The following PAPPA2 variants were observed in gnomAD, a reference collection of about 807,000 sequenced individuals.
PAPPA2 encodes pappalysin-2.
A neutral mutation model predicts 176.4 loss-of-function variants in PAPPA2; 86 were observed. The ratio of observed to expected loss-of-function variants is 0.49; its 90% CI spans 0.41 to 0.58. The LOEUF (loss-of-function observed/expected upper bound fraction) is 0.58, where lower values mean the gene tolerates loss of function less well. Ranked by LOEUF, PAPPA2 falls within the 20% of genes least tolerant of loss-of-function variation. The probability of loss-of-function intolerance (pLI) is 0.00; values close to 1 mark genes in which losing one functional copy is unlikely to be tolerated. For synonymous variants in PAPPA2, 809 were observed against 852.2 expected, an observed-to-expected ratio of 0.95 and a Z score of 0.88; for missense variants, 2,073 against 2,256.9, an observed-to-expected ratio of 0.92 and a Z score of 1.65.
chr1:176,557,177 G>A lies in PAPPA2; in HGVS notation c.855G>A (p.Glu285=). ...AAGTGCTGGCTGAGATTCCCCGGGA[G>A]GCGTTCACAGTGGAAGCCTGGGTTA... ...RPEVLAEIPR[E]AFTVEAWVKP... The change falls in exon 2 of 23, where the codon GAG becomes GAA. Residue 285 remains glutamate, a synonymous_variant. Coordinates refer to ENST00000367662, the MANE Select transcript of PAPPA2 (RefSeq NM_020318.3). 4 of 1,613,306 alleles carry A rather than the reference G, an allele frequency of 2.5e-6. No individual in the cohort carries two copies. Among genetic ancestry groups the A allele is most frequent in the Non-Finnish European group, 2.5e-6 (3 of 1,179,698 alleles).
chr1:176,824,223 C>G (rs1020020954), intron 21 of PAPPA2, among the ~76,000 whole-genome samples: 2 of 152,182 alleles, frequency 1.3e-5, no homozygotes, highest in African/African-American at 4.8e-5. Flanking sequence ...GACCTGGTTG[C>G]TGCCTGCATA....
intron 1 of PAPPA2, among the ~76,000 whole-genome samples, chr1:176,519,890 ATC>A (rs1420433561): frequency 6.6e-6 from 1 of 152,194 alleles, no homozygotes; most frequent in Non-Finnish European, 1.5e-5. Flanking sequence ...TTTGGTTGTT[ATC>A]AAGTACTCTT....
intron 3 of PAPPA2, among the ~76,000 whole-genome samples, chr1:176,606,853 CAT>C (rs1654644134): frequency 1.3e-5 from 2 of 152,018 alleles, no homozygotes; most frequent in South Asian, 4.2e-4. Flanking sequence ...GATGTGCAAA[CAT>C]GTTAAGGCCA....
chr1:176,740,258 T>G, intron 14 of PAPPA2, 62 bp downstream of exon 14: 1 of 1,479,890 alleles, frequency 6.8e-7, no homozygotes. Flanking sequence ...TTGGCTCACA[T>G]TTACATAGTG....
chr1:176,594,613 C>G lies in PAPPA2; in HGVS notation c.1009C>G (p.Arg337Gly). 1 of 1,614,186 alleles carries G rather than the reference C, an allele frequency of 6.2e-7. No individual in the cohort carries two copies. Among genetic ancestry groups the G allele is most frequent in the Non-Finnish European group, 8.5e-7 (1 of 1,180,038 alleles). Reference protein sequence around the residue: ...SGKDKGKRDARFFFSLCTDRV... With the variant: ...SGKDKGKRDAGFFFSLCTDRV... ...GAAGGACAAGGGAAAGCGGGATGCT[C>G]GCTTCTTCTTCTCCCTCTGCACCGA... Residue 337 changes from arginine (R) to glycine (G), a missense_variant, in exon 3 of 23, where the codon CGC becomes GGC. Arg to Gly is a moderately radical substitution (Grantham distance 125). Around this residue, in one of 4 missense-constraint regions of PAPPA2, gnomAD observed 1,196 missense variants for 1,330.4 expected, o/e 0.90. Transcript: ENST00000367662.
At chr1:176,553,320 A>G (rs577028451) in intron 1 of PAPPA2, among the ~76,000 whole-genome samples, 29 of 148,660 alleles carry the variant, frequency 2.0e-4, no homozygotes, top group African/African-American at 7.2e-4. Context: ...TGTGTTTTTC[A>G]CACATTGGAA....
chr1:176,577,572 T>G lies in PAPPA2; in HGVS notation c.920-16952T>G, dbSNP rs574375987. Among the ~76,000 whole-genome samples, 15 of 152,180 alleles carry G rather than the reference T, an allele frequency of 9.9e-5. No homozygotes were observed. In the South Asian group the frequency reaches 2.5e-3, roughly 25 times the overall value. On this transcript the variant is annotated intron_variant, in intron 2 of 22. Coordinates refer to ENST00000367662, the MANE Select transcript of PAPPA2 (RefSeq NM_020318.3). Reference sequence around the variant, plus strand: ...TTATCTAGAACAGCTGAAAAACACCTCCCCAAGCTTCTTTTTTCACTTTCT... The same window carrying G: ...TTATCTAGAACAGCTGAAAAACACCGCCCCAAGCTTCTTTTTTCACTTTCT...
chr1:176,674,226 G>C (rs1430616691), intron 4 of PAPPA2, among the ~76,000 whole-genome samples: 3 of 152,030 alleles, frequency 2.0e-5, no homozygotes, highest in African/African-American at 7.2e-5. Context: ...AAGTAGTACA[G>C]CTTATACAAA....
At chr1:176,537,233 T>G (rs1421076844) in intron 1 of PAPPA2, 2 of 152,234 alleles carry the variant, frequency 1.3e-5, no homozygotes, top group East Asian at 1.9e-4. Flanking sequence ...GCTCTGAGTA[T>G]ACATGGTATG....
chr1:176,769,863 G>C (rs1029364867), intron 16 of PAPPA2, 79 bp downstream of exon 16: 12 of 1,408,222 alleles, frequency 8.5e-6, no homozygotes, highest in African/African-American at 7.3e-5. Flanking sequence ...GACTCTTTTC[G>C]TTACCCCAAC....
chr1:176,727,137 G>T (rs1661917274), intron 12 of PAPPA2, among the ~76,000 whole-genome samples: 1 of 152,092 alleles, frequency 6.6e-6, no homozygotes, highest in South Asian at 2.1e-4. Flanking sequence ...TGGATTCAAA[G>T]AAGGCAGGAA....
At chr1:176,805,800 T>C (rs1013512896) in intron 21 of PAPPA2, among the ~76,000 whole-genome samples, 3 of 151,848 alleles carry the variant, frequency 2.0e-5, no homozygotes, top group African/African-American at 7.3e-5. Flanking sequence ...CTGAACAACA[T>C]AGCAAGACCC....
intron 1 of PAPPA2, among the ~76,000 whole-genome samples, chr1:176,489,271 A>C (rs1226727853): frequency 6.6e-6 from 1 of 152,188 alleles, no homozygotes; most frequent in Non-Finnish European, 1.5e-5. Context: ...AATTGATTTC[A>C]AGACCAGCCA....
intron 1 of PAPPA2, among the ~76,000 whole-genome samples, chr1:176,504,415 G>A (rs890456033): frequency 1.3e-5 from 2 of 152,056 alleles, no homozygotes; most frequent in Non-Finnish European, 2.9e-5. Context: ...ACAAATGAAA[G>A]TATGTTATAT....
chr1:176,492,975 C>G (rs781623654), intron 1 of PAPPA2, among the ~76,000 whole-genome samples: 1 of 152,032 alleles, frequency 6.6e-6, no homozygotes, highest in Non-Finnish European at 1.5e-5. Context: ...GGATAATACC[C>G]TCTAGTGTGA....
At chr1:176,657,012 C>A (rs781105647) in intron 3 of PAPPA2, among the ~76,000 whole-genome samples, 5 of 151,912 alleles carry the variant, frequency 3.3e-5, no homozygotes, top group Non-Finnish European at 7.4e-5. Context: ...CTGTGCTGAA[C>A]ACTCAAGGCA....
At chr1:176,838,629 C>T (rs906833722) in intron 21 of PAPPA2, among the ~76,000 whole-genome samples, 13 of 152,208 alleles carry the variant, frequency 8.5e-5, no homozygotes, top group Admixed American at 7.2e-4. Flanking sequence ...GGCTGCAGTT[C>T]GGGACCTGAG....
intron 12 of PAPPA2, among the ~76,000 whole-genome samples, chr1:176,725,709 C>T (rs1661836555): frequency 1.3e-5 from 2 of 152,200 alleles, no homozygotes; most frequent in African/African-American, 4.8e-5. Context: ...CGCACGCGCG[C>T]GCACACACAC....
At chr1:176,664,767 T>A (rs374616188) in intron 3 of PAPPA2, among the ~76,000 whole-genome samples, 7 of 152,352 alleles carry the variant, frequency 4.6e-5, no homozygotes, top group African/African-American at 1.7e-4. Context: ...GTAATATTCA[T>A]TTCCACATGA....
Sources: allele counts gnomAD v4.1 joint callset (sites outside exome capture counted in the v4.1 genomes callset), GRCh38; gene constraint gnomAD v4.1.1; regional missense constraint gnomAD v4.1.1; transcripts MANE v1.5; gene names NCBI Gene and HGNC (gene_info 2026-07-23, HGNC 2026-07-21).